Variants in LMNA observed in about 807,000 individuals in gnomAD.
The protein encoded by LMNA is lamin.
Under a neutral mutation model 70.4 loss-of-function variants are expected in LMNA, and 20 were observed. The ratio of observed to expected loss-of-function variants is 0.28; its 90% CI spans 0.20 to 0.41. LMNA has a LOEUF of 0.41. Ranked by LOEUF, LMNA falls within the 10% of genes least tolerant of loss-of-function variation. LMNA has a pLI of 1.00. For missense variants in LMNA, 652 were observed against 917.2 expected (o/e 0.71, Z 3.73); for synonymous variants, 339 against 372.8 (o/e 0.91, Z 1.04).
chr1:156,137,272 C>A lies in LMNA; in HGVS notation c.1608+40C>A. The A allele has an allele frequency of 1.3e-6, 2 of 1,542,532 alleles. No individual in the cohort carries two copies. Among genetic ancestry groups the A allele is most frequent in the Non-Finnish European group, 1.7e-6 (2 of 1,149,216 alleles). ...GCCTGGCTGCTTGCTGGACGAGGCT[C>A]CCCCTGATGGCCAACATCGGAGCCA... On this transcript the variant is annotated intron_variant, in intron 9 of 11. Transcript: ENST00000368300. The surrounding 1 kb of genome is among the most constrained non-coding windows in gnomAD (Gnocchi z 4.6).
chr1:156,097,334 C>CTCAT (rs1231960197), intron 3 of LMNA, among the ~76,000 whole-genome samples: 1 of 152,208 alleles, frequency 6.6e-6, no homozygotes, highest in Non-Finnish European at 1.5e-5. Flanking sequence ...GTGGCTCCTT[C>CTCAT]TCACTGCTGA....
intron 3 of LMNA, among the ~76,000 whole-genome samples, chr1:156,100,542 G>A (rs550026624): frequency 1.1e-4 from 17 of 152,150 alleles, no homozygotes; most frequent in African/African-American, 2.9e-4. Flanking sequence ...TATTGTGACC[G>A]TGCCCCAGGC....
intron 1 of LMNA, among the ~76,000 whole-genome samples, chr1:156,128,223 T>G (rs967453663): frequency 6.6e-6 from 1 of 152,126 alleles, no homozygotes; most frequent in Non-Finnish European, 1.5e-5. Flanking sequence ...GTGTTTGCTA[T>G]TATATTATTA....
chr1:156,122,333 G>A (rs527907781), intron 1 of LMNA, among the ~76,000 whole-genome samples: 2 of 152,232 alleles, frequency 1.3e-5, no homozygotes, highest in South Asian at 2.1e-4. Context: ...GACCTTTTAG[G>A]TTCCAAAGTA....
rs1421334822 is a variant in LMNA, at chr1:156,135,640, C to G, written c.937-261C>G. The G allele has an allele frequency of 3.4e-6, 2 of 593,458 alleles. No homozygotes were observed. The highest frequency in any genetic ancestry group is 6.0e-6 in the Non-Finnish European group (2 of 334,152). 36.8% of individuals were successfully genotyped at this position (593,458 alleles called of 1,614,324 possible). On this transcript the variant is annotated intron_variant, in intron 5 of 11. Transcript: ENST00000368300. This position sits in a 1 kb window ranked among gnomAD's most constrained non-coding sequence, Gnocchi z 4.8. ...AAAGCATCAGTATTTTTCTAGTTGG[C>G]TGTGCTATTTGTGACAGGAGAAAAA...
Position 156,136,439 on chromosome 1 carries a change from A to G in LMNA, c.1380+3A>G, listed in dbSNP as rs1487175603. The G allele has an allele frequency of 1.9e-6, 3 of 1,567,794 alleles. No individual in the cohort carries two copies. The highest frequency in any genetic ancestry group is 2.3e-5 in the South Asian group (2 of 86,604). ...GGCTGCGCAACAAGTCCAATGAGGT[A>G]GGCTCCTGCTCAGGGTCTAAGGGGA... On this transcript the variant is annotated splice_donor_region_variant and intron_variant, in intron 7 of 11. Transcript: ENST00000368300. The surrounding 1 kb of genome is among the most constrained non-coding windows in gnomAD (Gnocchi z 6.1).
intron 1 of LMNA, chr1:156,129,772 G>C: frequency 1.4e-6 from 1 of 701,246 alleles, no homozygotes. Flanking sequence ...GGAGGTGGCA[G>C]AGGCAGCGCT....
intron 3 of LMNA, among the ~76,000 whole-genome samples, chr1:156,095,947 C>T (rs1648922587): frequency 6.6e-6 from 1 of 152,212 alleles, no homozygotes. Context: ...AGCTCTGACA[C>T]TCAGACCTGA....
chr1:156,127,005 G>C lies in LMNA; in HGVS notation c.357-3612G>C, dbSNP rs544012476. ...GGGGCCCAGGTTCCCACCCTTCCCA[G>C]CTCCTCTGGCCTGCCCCACCCTGTC... On this transcript the variant is annotated intron_variant, in intron 1 of 11. Coordinates refer to ENST00000368300, the MANE Select transcript of LMNA (RefSeq NM_170707.4). 58 of 1,322,988 alleles carry C rather than the reference G, an allele frequency of 4.4e-5. No homozygotes were observed. The African/African-American group carries it at 7.4e-4, about 17-fold the overall frequency. 82.0% of individuals were successfully genotyped at this position (1,322,988 alleles called of 1,614,324 possible).
intron 1 of LMNA, chr1:156,126,609 C>G (rs1441095981): frequency 5.1e-6 from 5 of 974,874 alleles, no homozygotes; most frequent in Non-Finnish European, 8.2e-6. Flanking sequence ...CTTCCTTGTC[C>G]CACCAGGCAC....
At chr1:156,120,359 G>T (rs79894380) in intron 1 of LMNA, among the ~76,000 whole-genome samples, 631 of 152,330 alleles carry the variant, frequency 4.1e-3, no homozygotes, top group Non-Finnish European at 5.8e-3. Flanking sequence ...GGATCTAGAG[G>T]GTGAGGTAAG....
intron 2 of LMNA, among the ~76,000 whole-genome samples, chr1:156,133,143 C>T (rs896132611): frequency 2.0e-5 from 3 of 151,822 alleles, no homozygotes; most frequent in South Asian, 2.1e-4. Flanking sequence ...CCTGGCAAGA[C>T]GTGTTCTCTC....
At chr1:156,097,093 G>T (rs1648965563) in intron 3 of LMNA, among the ~76,000 whole-genome samples, 1 of 152,202 alleles carries the variant, frequency 6.6e-6, no homozygotes. Flanking sequence ...GAAATGAGAG[G>T]CGGTGAAGTC....
chr1:156,104,073 A>G (rs1371133264), intron 3 of LMNA, among the ~76,000 whole-genome samples: 2 of 152,148 alleles, frequency 1.3e-5, no homozygotes, highest in Non-Finnish European at 2.9e-5. Context: ...CTGAGCCCCA[A>G]GAGATGTCCC....
intron 2 of LMNA, among the ~76,000 whole-genome samples, chr1:156,085,538 A>T (rs1415888113): frequency 6.6e-6 from 1 of 152,198 alleles, no homozygotes; most frequent in African/African-American, 2.4e-5. Flanking sequence ...TATGTCTCTC[A>T]TCTTCATCAT....
At chr1:156,111,184 C>T (rs1250437235), upstream of LMNA, among the ~76,000 whole-genome samples, 2 of 151,976 alleles carry the variant, frequency 1.3e-5, no homozygotes, top group Non-Finnish European at 2.9e-5. Context: ...GGTGCAGTGG[C>T]TCATGCCTGT....
At chr1:156,087,566 T>A (rs1394785114) in intron 2 of LMNA, among the ~76,000 whole-genome samples, 2 of 151,456 alleles carry the variant, frequency 1.3e-5, no homozygotes, top group Non-Finnish European at 2.9e-5. Flanking sequence ...TTTCTTTTCT[T>A]TTTTTGAGAC....
upstream of LMNA, among the ~76,000 whole-genome samples, chr1:156,114,518 C>G (rs865941627): frequency 6.6e-6 from 1 of 152,212 alleles, no homozygotes; most frequent in South Asian, 2.1e-4. Flanking sequence ...AGAGGGGAAG[C>G]TTGAGCCTCA....
chr1:156,139,555 C>T lies in LMNA; in HGVS notation c.*449C>T, dbSNP rs148620960. ...GGCTTCTCCGCCAGCCTCCTCTGGA[C>T]GGCAGGCTCACTGCCAGGCCAGCCT... On this transcript the variant is annotated 3_prime_UTR_variant, in exon 12 of 12. Transcript: ENST00000368300. The T allele has an allele frequency of 1.9e-3, 2,626 of 1,385,392 alleles. 41 individuals carry two copies. In the African/African-American group the frequency reaches 0.032, roughly 17 times the overall value. The allele number at this position is 1,385,392 out of a possible 1,614,324, so 85.8% of individuals were successfully genotyped here.
Sources: allele counts gnomAD v4.1 joint callset (sites outside exome capture counted in the v4.1 genomes callset), GRCh38; gene constraint gnomAD v4.1.1; non-coding constraint Gnocchi (gnomAD v3.1); transcripts MANE v1.5; gene names NCBI Gene and HGNC (gene_info 2026-07-23, HGNC 2026-07-21).